The following RPSA2 variants were observed in gnomAD, a reference collection of about 807,000 sequenced individuals.
RPSA2 encodes the protein small ribosomal subunit protein uS2B.
chr19:23,788,460 A>G, the RPSA2 span, among the ~76,000 whole-genome samples: 32 of 152,144 alleles, frequency 2.1e-4, no homozygotes, highest in African/African-American at 2.9e-4. Context: ...TTGGCCCAGC[A>G]CCTATGTGAT....
At chr19:23,808,439 G>A in the RPSA2 span, among the ~76,000 whole-genome samples, 1 of 151,730 alleles carries the variant, frequency 6.6e-6, no homozygotes, top group East Asian at 1.9e-4. Context: ...GCTAATTTTT[G>A]TATTTTTAGT....
chr19:23,764,368 C>T, the RPSA2 span, among the ~76,000 whole-genome samples: 1 of 152,250 alleles, frequency 6.6e-6, no homozygotes, highest in South Asian at 2.1e-4. Context: ...CAATTTACAA[C>T]ACTATCAACT....
the RPSA2 span, among the ~76,000 whole-genome samples, chr19:23,820,469 C>T: frequency 1.8e-4 from 28 of 152,052 alleles, no homozygotes; most frequent in African/African-American, 6.8e-4. Flanking sequence ...GGGGAGATTG[C>T]GGGAGGAGAG....
the RPSA2 span, among the ~76,000 whole-genome samples, chr19:23,784,295 G>C: frequency 5.3e-5 from 8 of 152,340 alleles, no homozygotes; most frequent in East Asian, 1.5e-3. Context: ...GATTGCATTT[G>C]TCCTATGCAC....
the RPSA2 span, among the ~76,000 whole-genome samples, chr19:23,771,876 A>C: frequency 6.6e-6 from 1 of 152,052 alleles, no homozygotes; most frequent in Admixed American, 6.6e-5. Context: ...GGCCCTGCCC[A>C]CAGAGGTGTT....
At chr19:23,805,277 C>T in the RPSA2 span, among the ~76,000 whole-genome samples, 1 of 152,014 alleles carries the variant, frequency 6.6e-6, no homozygotes, top group Non-Finnish European at 1.5e-5. Context: ...CGATTCTCCT[C>T]CCCCAGCCTC....
the RPSA2 span, among the ~76,000 whole-genome samples, chr19:23,763,342 C>T: frequency 1.9e-3 from 287 of 152,328 alleles, no homozygotes; most frequent in Admixed American, 3.5e-3. Context: ...ATGTCTGGAG[C>T]CCCCTGAGCA....
the RPSA2 span, chr19:23,808,695 T>C: frequency 1.6e-6 from 1 of 612,642 alleles, no homozygotes. Flanking sequence ...GCAAGATTCA[T>C]GTTAGTTATT....
At chr19:23,856,254 A>G in the RPSA2 span, among the ~76,000 whole-genome samples, 1 of 152,134 alleles carries the variant, frequency 6.6e-6, no homozygotes, top group African/African-American at 2.4e-5. Flanking sequence ...TGACAGGAAC[A>G]TAATTTCCTG....
chr19:23,799,216 ATCTT>A, the RPSA2 span: 2 of 152,054 alleles, frequency 1.3e-5, no homozygotes. Context: ...TCTCAATATA[ATCTT>A]TCTCAGAGTG....
At chr19:23,791,441 T>G in the RPSA2 span, among the ~76,000 whole-genome samples, 1 of 152,188 alleles carries the variant, frequency 6.6e-6, no homozygotes, top group Non-Finnish European at 1.5e-5. Context: ...GAGTTTAGAT[T>G]ATTTTTTAGA....
At chr19:23,799,214 T>C in the RPSA2 span, 1 of 152,262 alleles carries the variant, frequency 6.6e-6, no homozygotes. Context: ...TCTCTCAATA[T>C]AATCTTTCTC....
the RPSA2 span, among the ~76,000 whole-genome samples, chr19:23,813,250 G>A: frequency 1.8e-4 from 15 of 82,962 alleles, no homozygotes; most frequent in Admixed American, 3.5e-4. Context: ...AAAAAAAAAA[G>A]TTGTGTATTT....
the RPSA2 span, among the ~76,000 whole-genome samples, chr19:23,781,221 C>G: frequency 1.3e-5 from 2 of 152,138 alleles, no homozygotes; most frequent in African/African-American, 4.8e-5. Context: ...GATCTGCCCA[C>G]CTCGGCCTCC....
chr19:23,870,983 G>T, the RPSA2 span, among the ~76,000 whole-genome samples: 4 of 152,126 alleles, frequency 2.6e-5, no homozygotes, highest in Non-Finnish European at 4.4e-5. Context: ...TATCTACTGG[G>T]ACATCTGGAG....
At chr19:23,838,541 A>ATT in the RPSA2 span, among the ~76,000 whole-genome samples, 1 of 150,530 alleles carries the variant, frequency 6.6e-6, no homozygotes, top group Non-Finnish European at 1.5e-5. Context: ...AATCTGTTGG[A>ATT]TTTTTTTTTG....
chr19:23,853,693 G>A, the RPSA2 span, among the ~76,000 whole-genome samples: 1 of 152,186 alleles, frequency 6.6e-6, no homozygotes, highest in African/African-American at 2.4e-5. Context: ...CACTATAAGA[G>A]TTATGTGGAA....
chr19:23,858,800 G>A, the RPSA2 span, among the ~76,000 whole-genome samples: 12 of 152,274 alleles, frequency 7.9e-5, no homozygotes, highest in Non-Finnish European at 1.5e-4. Context: ...CAAATGCTCC[G>A]TTTGCATAAT....
At chr19:23,843,129 G>C in the RPSA2 span, 2 of 172,120 alleles carry the variant, frequency 1.2e-5, no homozygotes, top group African/African-American at 4.7e-5. Context: ...GTACTAGGAT[G>C]GTAACTGGAG....
Sources: gnomAD v4.1 joint callset for allele counts (sites outside exome capture counted in the v4.1 genomes callset) on GRCh38, gnomAD v4.1.1 for gene constraint, MANE v1.5 for transcripts, NCBI Gene and HGNC (gene_info 2026-07-23, HGNC 2026-07-21) for gene names.